The following MGST1 variants were observed in gnomAD, a reference collection of about 807,000 sequenced individuals.
MGST1 encodes glutathione S-transferase 12.
MGST1 carries 5 observed loss-of-function variants against 8.9 expected under a neutral mutation model. The observed-to-expected ratio is 0.56, with a 90% CI of 0.29 to 1.19. The LOEUF is 1.19. Ranked by LOEUF, MGST1 falls within the 50% of genes most tolerant of loss-of-function variation. The pLI, the probability that MGST1 is intolerant of heterozygous loss-of-function variation, is 0.08. For missense variants in MGST1, 182 were observed against 187.4 expected (o/e 0.97, Z 0.17); for synonymous variants, 54 against 67.8 (o/e 0.80, Z 1.00).
chr12:16,486,171 A>G (rs1041231877), intron 4 of MGST1, among the ~76,000 whole-genome samples: 4 of 152,176 alleles, frequency 2.6e-5, no homozygotes, highest in Non-Finnish European at 5.9e-5. Flanking sequence ...ACACTTCGTA[A>G]CTACTCTACC....
chr12:16,444,192 T>G (rs1941061563), intron 4 of MGST1, among the ~76,000 whole-genome samples: 1 of 151,354 alleles, frequency 6.6e-6, no homozygotes, highest in African/African-American at 2.4e-5. Context: ...GGTTTTTTTT[T>G]TTTTTTTTTT....
At chr12:16,566,715 C>G (rs1302380085) in intron 4 of MGST1, among the ~76,000 whole-genome samples, 1 of 152,052 alleles carries the variant, frequency 6.6e-6, no homozygotes, top group African/African-American at 2.4e-5. Context: ...TTAACACATA[C>G]AGATCATGCC....
intron 4 of MGST1, among the ~76,000 whole-genome samples, chr12:16,481,953 C>A (rs530277058): frequency 6.6e-6 from 1 of 151,796 alleles, no homozygotes. Flanking sequence ...AGTAAAATTG[C>A]GGAACACCAC....
At chr12:16,464,692 C>T (rs761849722) in intron 4 of MGST1, among the ~76,000 whole-genome samples, 4 of 152,164 alleles carry the variant, frequency 2.6e-5, no homozygotes, top group Non-Finnish European at 5.9e-5. Flanking sequence ...GTCATGTTTC[C>T]TCTTCAAGTG....
intron 4 of MGST1, among the ~76,000 whole-genome samples, chr12:16,526,104 C>T (rs1322215135): frequency 2.7e-5 from 4 of 145,886 alleles, no homozygotes; most frequent in Non-Finnish European, 6.0e-5. Context: ...TGCCTGTTCA[C>T]TCTGATGGTA....
chr12:16,473,463 G>C (rs1290595244), intron 4 of MGST1, among the ~76,000 whole-genome samples: 1 of 152,138 alleles, frequency 6.6e-6, no homozygotes, highest in Non-Finnish European at 1.5e-5. Context: ...ATTATACATG[G>C]TTTACTATGA....
At chr12:16,402,967 T>C (rs1940671356) in intron 1 of MGST1, among the ~76,000 whole-genome samples, 3 of 150,224 alleles carry the variant, frequency 2.0e-5, no homozygotes, top group Admixed American at 2.0e-4. Flanking sequence ...ATATATTTAT[T>C]ATTATTAAAT....
chr12:16,366,628 TACACACACACAC>T (rs374809283), downstream of MGST1, among the ~76,000 whole-genome samples: 4 of 83,926 alleles, frequency 4.8e-5, no homozygotes, highest in Non-Finnish European at 8.5e-5. This position sits in a 1 kb window ranked among gnomAD's most constrained non-coding sequence, Gnocchi z 4.0. Flanking sequence ...TATCTGTGTG[TACACACACACAC>T]ACACACACAC....
In MGST1 at chr12:16,517,969, A is replaced by G. The variant is rs1428988572; in HGVS notation, n.483-71559A>G. 6.6e-6 allele frequency among the ~76,000 whole-genome samples: 1 copy of G among 152,224 alleles called. No homozygotes were observed. The highest frequency in any genetic ancestry group is 1.5e-5 in the Non-Finnish European group (1 of 68,032). On this transcript the variant is annotated intron_variant and non_coding_transcript_variant, in intron 4 of 4. Coordinates refer to the MGST1 transcript ENST00000538857. This position sits in a 1 kb window ranked among gnomAD's most constrained non-coding sequence, Gnocchi z 4.2. ...TCTTCACACCCAAGGACCAGACACT[A>G]GGCAGTGATACATTCACCAAAGTGA...
At chr12:16,384,532 C>CT (rs1358309122) in intron 1 of MGST1, among the ~76,000 whole-genome samples, 3 of 152,166 alleles carry the variant, frequency 2.0e-5, no homozygotes, top group Admixed American at 6.5e-5. Flanking sequence ...AACAGACGCC[C>CT]TGGAGAATCC....
rs563214460 is a variant in MGST1 at position 16,503,507 on chromosome 12, G to A, written n.483-86021G>A. 1.0e-3 allele frequency among the ~76,000 whole-genome samples: 154 copies of A among 152,284 alleles called. 2 individuals carry two copies. The highest frequency in any genetic ancestry group is 0.01 in the Admixed American group (154 of 15,302). On this transcript the variant is annotated intron_variant and non_coding_transcript_variant, in intron 4 of 4. Coordinates refer to the MGST1 transcript ENST00000538857. The surrounding 1 kb of genome is among the most constrained non-coding windows in gnomAD (Gnocchi z 4.8). The stretch of plus-strand genomic sequence containing the variant: ...CTTTAACTGCCTTTGTTATTAGGAT[G>A]AAGGATAAAGGACATGAACATTTTC...
At chr12:16,534,954 G>T (rs1941745654) in intron 4 of MGST1, among the ~76,000 whole-genome samples, 3 of 152,108 alleles carry the variant, frequency 2.0e-5, no homozygotes, top group African/African-American at 7.2e-5. Context: ...CTCGGGTGCT[G>T]CTCTTCACCC....
intron 1 of MGST1, among the ~76,000 whole-genome samples, chr12:16,415,520 A>T (rs1940780759): frequency 6.6e-6 from 1 of 152,232 alleles, no homozygotes; most frequent in African/African-American, 2.4e-5. Flanking sequence ...AACAACCAGG[A>T]TCAAGACCTT....
chr12:16,392,716 GTC>G (rs1565445958), intron 1 of MGST1, among the ~76,000 whole-genome samples: 1 of 151,888 alleles, frequency 6.6e-6, no homozygotes, highest in Admixed American at 6.6e-5. Flanking sequence ...TTATTTTCCT[GTC>G]TCTATATCTC....
chr12:16,357,391 C>CT, intron 2 of MGST1: 1 of 437,828 alleles, frequency 2.3e-6, no homozygotes, highest in Non-Finnish European at 4.0e-6. Flanking sequence ...TCCTGAGTAG[C>CT]TAGGACCACA....
intron 1 of MGST1, among the ~76,000 whole-genome samples, chr12:16,402,708 C>T (rs548635784): frequency 2.0e-5 from 3 of 151,732 alleles, no homozygotes; most frequent in East Asian, 1.9e-4. Flanking sequence ...TTACTTTCAC[C>T]TTCTCAGCTT....
chr12:16,474,170 A>G (rs910068620), intron 4 of MGST1, among the ~76,000 whole-genome samples: 1 of 152,152 alleles, frequency 6.6e-6, no homozygotes, highest in African/African-American at 2.4e-5. Flanking sequence ...TATCCTTCTC[A>G]CTGTACTTGT....
rs934115095 is a variant in MGST1 at position 16,557,664 on chromosome 12, T to C, written n.483-31864T>C. Among the ~76,000 whole-genome samples the C allele has an allele frequency of 3.9e-5, 6 of 152,090 alleles. 1 individual carries two copies. The highest frequency in any genetic ancestry group is 3.3e-4 in the Admixed American group (5 of 15,268). ...GGAAAGTCAAGTTAGTGGACTATTATTTGGTAAATTATAAAAATAACTAAC... is the reference window on the plus strand; with the variant it reads ...GGAAAGTCAAGTTAGTGGACTATTACTTGGTAAATTATAAAAATAACTAAC... On this transcript the variant is annotated intron_variant and non_coding_transcript_variant, in intron 4 of 4. Coordinates refer to the MGST1 transcript ENST00000538857.
intron 1 of MGST1, among the ~76,000 whole-genome samples, chr12:16,418,248 C>A (rs1940803179): frequency 6.6e-6 from 1 of 152,042 alleles, no homozygotes; most frequent in African/African-American, 2.4e-5. Context: ...AAATACTATG[C>A]CCAAGGATGC....
Sources: gnomAD v4.1 joint callset for allele counts (sites outside exome capture counted in the v4.1 genomes callset) on GRCh38, gnomAD v4.1.1 for gene constraint, Gnocchi (gnomAD v3.1) non-coding constraint, MANE v1.5 for transcripts, NCBI Gene and HGNC (gene_info 2026-07-23, HGNC 2026-07-21) for gene names.